Variants in PCLO observed in about 807,000 individuals in gnomAD.
The protein encoded by PCLO is piccolo presynaptic cytomatrix protein.
In PCLO, 82 loss-of-function variants were observed where a neutral mutation model predicts 427.5. That is an observed-to-expected ratio of 0.19 (90% confidence interval 0.16 to 0.23). PCLO has a LOEUF of 0.23. Among genes scored for constraint, PCLO ranks in the 10% least tolerant of loss-of-function variants. PCLO has a pLI of 1.00. For synonymous variants in PCLO, 2,357 were observed against 2,155.4 expected (o/e 1.09, Z -2.59); for missense variants, 6,239 against 6,115.9 (o/e 1.02, Z -0.67).
At chr7:82,931,304 C>T (rs896648219) in intron 6 of PCLO, among the ~76,000 whole-genome samples, 31 of 152,044 alleles carry the variant, frequency 2.0e-4, no homozygotes, top group Non-Finnish European at 1.0e-4. Context: ...AGAAGCATTT[C>T]GGCAATCATG....
intron 3 of PCLO, among the ~76,000 whole-genome samples, chr7:83,104,729 C>T (rs1405408508): frequency 6.6e-6 from 1 of 152,034 alleles, no homozygotes; most frequent in Non-Finnish European, 1.5e-5. Context: ...GATTATTCAG[C>T]ACCTCCTTAA....
intron 3 of PCLO, among the ~76,000 whole-genome samples, chr7:83,038,063 ATTTATATATT>A (rs1788866584): frequency 6.9e-5 from 3 of 43,480 alleles, no homozygotes; most frequent in African/African-American, 3.1e-4. Flanking sequence ...TTATATATAT[ATTTATATATT>A]TATATATATA....
intron 3 of PCLO, among the ~76,000 whole-genome samples, chr7:83,054,918 A>C (rs1789340949): frequency 6.6e-6 from 1 of 152,066 alleles, no homozygotes; most frequent in African/African-American, 2.4e-5. Context: ...TGCTAATCCA[A>C]ACATTTCTTA....
At chr7:83,049,720 T>G (rs996126184) in intron 3 of PCLO, among the ~76,000 whole-genome samples, 1 of 152,094 alleles carries the variant, frequency 6.6e-6, no homozygotes, top group Non-Finnish European at 1.5e-5. Context: ...GGAACTATTA[T>G]CTCCTTGCTT....
chr7:82,926,041 A>T (rs62458560), intron 6 of PCLO, among the ~76,000 whole-genome samples: 1 of 152,126 alleles, frequency 6.6e-6, no homozygotes, highest in Admixed American at 6.6e-5. Flanking sequence ...TACAAAAATA[A>T]GAAAGATAAC....
intron 6 of PCLO, among the ~76,000 whole-genome samples, chr7:82,937,300 C>G (rs535628443): frequency 2.4e-4 from 36 of 149,448 alleles, no homozygotes; most frequent in African/African-American, 8.5e-4. Flanking sequence ...TTTAATGTCA[C>G]ATTTCATGGT....
intron 3 of PCLO, among the ~76,000 whole-genome samples, chr7:83,053,965 C>A (rs1259839756): frequency 2.6e-5 from 4 of 151,984 alleles, no homozygotes; most frequent in Non-Finnish European, 4.4e-5. Context: ...GAAACAAATT[C>A]TTGTAGACCA....
intron 3 of PCLO, among the ~76,000 whole-genome samples, chr7:83,098,779 T>C (rs574097713): frequency 1.3e-5 from 2 of 152,256 alleles, no homozygotes; most frequent in African/African-American, 4.8e-5. Flanking sequence ...AGAAAACATG[T>C]AATCTTCCTT....
At chr7:82,875,429 A>G (rs1490793625) in intron 10 of PCLO, among the ~76,000 whole-genome samples, 1 of 152,038 alleles carries the variant, frequency 6.6e-6, no homozygotes, top group African/African-American at 2.4e-5. Context: ...TTGTTTAGAA[A>G]CTAGATTTTT....
In PCLO at chr7:83,097,071, TTATA is replaced by T. The variant is rs1364202101; in HGVS notation, c.3300+37175_3300+37178del. On this transcript the variant is annotated intron_variant, in intron 3 of 24. Coordinates refer to ENST00000333891, the MANE Select transcript of PCLO (RefSeq NM_033026.6). The stretch of plus-strand genomic sequence containing the variant: ...ATATAAATATATTATACATTATACA[TTATA>T]TAAATATATTATACATTATATGAAT... Among the ~76,000 whole-genome samples the T allele has an allele frequency of 3.9e-5, 3 of 76,892 alleles. 1 individual carries two copies. Among genetic ancestry groups the T allele is most frequent in the African/African-American group, 1.6e-4 (3 of 18,258 alleles). 50.4% of individuals were successfully genotyped at this position (76,892 alleles called of 152,430 possible).
At chr7:83,064,588 CTTG>C (rs2082172479) in intron 3 of PCLO, among the ~76,000 whole-genome samples, 1 of 151,912 alleles carries the variant, frequency 6.6e-6, no homozygotes, top group Non-Finnish European at 1.5e-5. Flanking sequence ...CAAAGGGTAC[CTTG>C]TTATTATTAT....
intron 3 of PCLO, among the ~76,000 whole-genome samples, chr7:82,998,548 C>T (rs1042219589): frequency 6.6e-6 from 1 of 151,808 alleles, no homozygotes; most frequent in African/African-American, 2.4e-5. Context: ...AAAGAAAATA[C>T]CTAACTCCAG....
chr7:82,911,958 T>C (rs1794333035), intron 7 of PCLO, among the ~76,000 whole-genome samples: 1 of 152,126 alleles, frequency 6.6e-6, no homozygotes, highest in Non-Finnish European at 1.5e-5. Flanking sequence ...TATTAATAAA[T>C]ATTAAGCAAC....
chr7:82,815,949 C>T (rs1249329441), intron 20 of PCLO, among the ~76,000 whole-genome samples: 1 of 152,074 alleles, frequency 6.6e-6, no homozygotes, highest in Non-Finnish European at 1.5e-5. Flanking sequence ...CTACCAAACT[C>T]AACACCCCGA....
intron 24 of PCLO, among the ~76,000 whole-genome samples, chr7:82,759,272 G>A (rs1024457157): frequency 2.0e-5 from 3 of 151,638 alleles, no homozygotes; most frequent in Non-Finnish European, 4.4e-5. Context: ...TTTTAAAGAT[G>A]AGTTGAAGTA....
intron 7 of PCLO, among the ~76,000 whole-genome samples, chr7:82,911,270 T>C (rs1343284343): frequency 6.6e-6 from 1 of 152,126 alleles, no homozygotes; most frequent in Admixed American, 6.6e-5. Flanking sequence ...GCAGATTAAA[T>C]GAATCTGCTT....
chr7:83,095,491 T>A (rs1012570134), intron 3 of PCLO, among the ~76,000 whole-genome samples: 23 of 151,948 alleles, frequency 1.5e-4, no homozygotes, highest in Admixed American at 6.6e-5. Flanking sequence ...TTGCTCTATT[T>A]TTTTTAGGTT....
intron 2 of PCLO, among the ~76,000 whole-genome samples, chr7:83,136,796 A>G (rs1791741910): frequency 6.6e-6 from 1 of 152,182 alleles, no homozygotes; most frequent in Non-Finnish European, 1.5e-5. Flanking sequence ...ATATACATAT[A>G]TATACACAAT....
chr7:82,877,254 T>G (rs149008826), intron 10 of PCLO, among the ~76,000 whole-genome samples: 1 of 152,146 alleles, frequency 6.6e-6, no homozygotes, highest in Non-Finnish European at 1.5e-5. Flanking sequence ...TCATGCTGAT[T>G]TGTAGTATTT....
Sources: gnomAD v4.1 joint callset for allele counts (sites outside exome capture counted in the v4.1 genomes callset) on GRCh38, gnomAD v4.1.1 for gene constraint, MANE v1.5 for transcripts, NCBI Gene and HGNC (gene_info 2026-07-23, HGNC 2026-07-21) for gene names.